STK33: variants seen among roughly 807,000 people sequenced by gnomAD.
The protein encoded by STK33 is serine/threonine-protein kinase 33.
Under a neutral mutation model 58.0 loss-of-function variants are expected in STK33, and 52 were observed. That is an observed-to-expected ratio of 0.90 (90% confidence interval 0.72 to 1.13). The LOEUF (loss-of-function observed/expected upper bound fraction) is 1.13. Ranked by LOEUF, STK33 falls within the 50% of genes most tolerant of loss-of-function variation. The pLI, the probability that STK33 is intolerant of heterozygous loss-of-function variation, is 0.00. For synonymous variants in STK33, 215 were observed against 200.1 expected, an observed-to-expected ratio of 1.07 and a Z score of -0.63; for missense variants, 630 against 604.2, an observed-to-expected ratio of 1.04 and a Z score of -0.45.
At chr11:8,375,552 C>G in the STK33 span, among the ~76,000 whole-genome samples, 1 of 152,136 alleles carries the variant, frequency 6.6e-6, no homozygotes, top group African/African-American at 2.4e-5. Flanking sequence ...AGCTTATATT[C>G]CTTAATAGAA....
the STK33 span, among the ~76,000 whole-genome samples, chr11:8,383,167 G>T: frequency 6.6e-6 from 1 of 152,158 alleles, no homozygotes; most frequent in African/African-American, 2.4e-5. Context: ...AGACCCAGAT[G>T]AACTAGAATG....
intron 15 of STK33, among the ~76,000 whole-genome samples, chr11:8,403,610 T>G (rs189772933): frequency 3.3e-5 from 5 of 152,204 alleles, no homozygotes; most frequent in African/African-American, 7.2e-5. Context: ...TTTGGGACAG[T>G]TGAAGAATAG....
At chr11:8,519,936 C>G (rs996883269) in intron 1 of STK33, among the ~76,000 whole-genome samples, 2 of 152,182 alleles carry the variant, frequency 1.3e-5, no homozygotes, top group African/African-American at 4.8e-5. Context: ...TGGTACCATT[C>G]CTTCTGAAGC....
intron 1 of STK33, among the ~76,000 whole-genome samples, chr11:8,496,529 G>A (rs1054129075): frequency 1.3e-4 from 19 of 151,860 alleles, no homozygotes; most frequent in Admixed American, 7.9e-4. Flanking sequence ...TCTAGGATTG[G>A]ACAATCATGT....
At chr11:8,404,233 G>C (rs952914828) in intron 15 of STK33, among the ~76,000 whole-genome samples, 8 of 152,274 alleles carry the variant, frequency 5.3e-5, no homozygotes, top group African/African-American at 1.9e-4. Context: ...CAACAGAAAT[G>C]AAATCTAACT....
At chr11:8,514,316 T>C (rs1952584322) in intron 1 of STK33, among the ~76,000 whole-genome samples, 1 of 152,202 alleles carries the variant, frequency 6.6e-6, no homozygotes, top group African/African-American at 2.4e-5. Context: ...AATTTTCTAT[T>C]TCATTTTAAC....
chr11:8,495,661 T>A (rs1005106381), intron 1 of STK33, among the ~76,000 whole-genome samples: 2 of 152,136 alleles, frequency 1.3e-5, no homozygotes, highest in Non-Finnish European at 2.9e-5. Flanking sequence ...ATATTTATTG[T>A]GGCACTATTC....
chr11:8,590,295 A>C (rs1184588236), intron 1 of STK33, among the ~76,000 whole-genome samples: 1 of 152,192 alleles, frequency 6.6e-6, no homozygotes, highest in Non-Finnish European at 1.5e-5. Context: ...AACTTTTTAC[A>C]CATACACTAT....
intron 1 of STK33, among the ~76,000 whole-genome samples, chr11:8,524,882 G>A (rs1046156725): frequency 1.3e-5 from 2 of 151,774 alleles, no homozygotes; most frequent in Non-Finnish European, 2.9e-5. Flanking sequence ...GATGCCAAGA[G>A]GAAACTTTTT....
At chr11:8,427,914 C>A (rs545013509) in intron 14 of STK33, among the ~76,000 whole-genome samples, 1 of 152,320 alleles carries the variant, frequency 6.6e-6, no homozygotes, top group East Asian at 1.9e-4. Context: ...GTGTTTGAAA[C>A]TTGGCCCCTA....
the STK33 span, among the ~76,000 whole-genome samples, chr11:8,359,894 A>G: frequency 6.6e-6 from 1 of 152,170 alleles, no homozygotes; most frequent in East Asian, 1.9e-4. Flanking sequence ...AAGAAAGGAG[A>G]CTTCCTGGTG....
chr11:8,406,561 T>G (rs983222711), intron 15 of STK33, among the ~76,000 whole-genome samples: 5 of 152,210 alleles, frequency 3.3e-5, no homozygotes, highest in African/African-American at 1.2e-4. Flanking sequence ...CAGCATTTCA[T>G]GGTTTTGGTA....
chr11:8,373,652 G>C, the STK33 span, among the ~76,000 whole-genome samples: 4 of 152,168 alleles, frequency 2.6e-5, no homozygotes, highest in African/African-American at 9.7e-5. Flanking sequence ...GGTGATACTG[G>C]CTCCACTGCC....
At chr11:8,339,607 C>T in the STK33 span, among the ~76,000 whole-genome samples, 1 of 152,218 alleles carries the variant, frequency 6.6e-6, no homozygotes, top group African/African-American at 2.4e-5. Context: ...GCAGAGGCGC[C>T]CGGCTGGTGA....
intron 1 of STK33, among the ~76,000 whole-genome samples, chr11:8,492,905 C>T (rs1390654369): frequency 3.3e-5 from 5 of 152,034 alleles, no homozygotes; most frequent in African/African-American, 4.8e-5. Context: ...CCAATGAGAA[C>T]GAAGACAAAA....
chr11:8,366,955 AGTGT>A, the STK33 span, among the ~76,000 whole-genome samples: 1 of 152,030 alleles, frequency 6.6e-6, no homozygotes, highest in Non-Finnish European at 1.5e-5. Flanking sequence ...GGGACTGTAC[AGTGT>A]GTGTGTGTGA....
intron 1 of STK33, among the ~76,000 whole-genome samples, chr11:8,540,023 A>T (rs113507858): frequency 7.5e-4 from 114 of 152,322 alleles, no homozygotes; most frequent in African/African-American, 2.6e-3. Flanking sequence ...AATTAAAAAT[A>T]GAACTATCAT....
chr11:8,557,645 G>T (rs1956857582), intron 1 of STK33, among the ~76,000 whole-genome samples: 1 of 151,962 alleles, frequency 6.6e-6, no homozygotes, highest in Admixed American at 6.6e-5. Flanking sequence ...TTATAGACTT[G>T]TAACTCCTTT....
intron 15 of STK33, among the ~76,000 whole-genome samples, chr11:8,399,966 G>A (rs532067357): frequency 1.3e-5 from 2 of 152,278 alleles, no homozygotes; most frequent in Non-Finnish European, 2.9e-5. Context: ...CTGAAATTGA[G>A]GCAATAATTA....
Sources: gnomAD v4.1 joint callset for allele counts (sites outside exome capture counted in the v4.1 genomes callset) on GRCh38, gnomAD v4.1.1 for gene constraint, MANE v1.5 for transcripts, NCBI Gene and HGNC (gene_info 2026-07-23, HGNC 2026-07-21) for gene names.